The following ATG10 variants were observed in gnomAD, a reference collection of about 807,000 sequenced individuals.
ATG10 encodes ubiquitin-like-conjugating enzyme ATG10.
A neutral mutation model predicts 32.1 loss-of-function variants in ATG10; 30 were observed. The ratio of observed to expected loss-of-function variants is 0.94; its 90% CI spans 0.70 to 1.27. The LOEUF (loss-of-function observed/expected upper bound fraction) is 1.27. Among genes scored for constraint, ATG10 ranks in the 50% most tolerant of loss-of-function variants. The pLI, the probability that ATG10 is intolerant of heterozygous loss-of-function variation, is 0.00. For missense variants in ATG10, 233 were observed against 262.3 expected (o/e 0.89, Z 0.77); for synonymous variants, 87 against 91.5 (o/e 0.95, Z 0.28).
rs537588398 is a variant in ATG10, at chr5:82,009,904, C to T, written c.108+22226C>T. ...CCATTATGGCGTGTGAAGTCACCAC[C>T]CTGACACATAAACCCTGGAATAATT... On this transcript the variant is annotated intron_variant, in intron 2 of 7. Coordinates refer to ENST00000282185, the MANE Select transcript of ATG10 (RefSeq NM_031482.5). The T allele has an allele frequency of 3.7e-6, 6 of 1,610,484 alleles. No individual in the cohort carries two copies. The South Asian group carries it at 5.5e-5, about 15-fold the overall frequency.
intron 3 of ATG10, among the ~76,000 whole-genome samples, chr5:82,114,145 A>G (rs1765703719): frequency 6.6e-6 from 1 of 152,026 alleles, no homozygotes; most frequent in Non-Finnish European, 1.5e-5. Flanking sequence ...GCTTAAATAA[A>G]TTATAAGGAA....
intron 5 of ATG10, among the ~76,000 whole-genome samples, chr5:82,215,890 G>A (rs1261086295): frequency 1.3e-5 from 2 of 149,536 alleles, no homozygotes; most frequent in Non-Finnish European, 3.0e-5. Context: ...AGCTGAGATC[G>A]CCCCACTGCA....
chr5:82,064,868 A>G (rs1763892377), intron 3 of ATG10, among the ~76,000 whole-genome samples: 1 of 152,202 alleles, frequency 6.6e-6, no homozygotes, highest in Non-Finnish European at 1.5e-5. Flanking sequence ...TGATTTGCAT[A>G]TATTAATTCA....
chr5:82,200,374 A>C (rs1745017998), intron 5 of ATG10, among the ~76,000 whole-genome samples: 1 of 150,302 alleles, frequency 6.7e-6, no homozygotes, highest in African/African-American at 2.4e-5. Context: ...TTATTTAATG[A>C]CTAATGATGT....
intron 3 of ATG10, among the ~76,000 whole-genome samples, chr5:82,086,597 C>A (rs1374488002): frequency 8.5e-5 from 13 of 152,114 alleles, no homozygotes; most frequent in Admixed American, 8.5e-4. Flanking sequence ...TCTTCATTCT[C>A]TAGAGCACAT....
intron 2 of ATG10, among the ~76,000 whole-genome samples, chr5:81,994,385 C>T (rs1023470663): frequency 6.6e-6 from 1 of 152,068 alleles, no homozygotes; most frequent in African/African-American, 2.4e-5. Context: ...AAACTTTTAT[C>T]AGCACTAGAA....
At chr5:82,247,484 C>A (rs1371826945) in intron 5 of ATG10, among the ~76,000 whole-genome samples, 1 of 151,988 alleles carries the variant, frequency 6.6e-6, no homozygotes, top group Non-Finnish European at 1.5e-5. Flanking sequence ...CTATTTAGTT[C>A]TTTTTATAGT....
Position 82,254,622 on chromosome 5 carries a change from T to C in ATG10, c.*559T>C, listed in dbSNP as rs1379766588. 6.6e-6 allele frequency: 1 copy of C among 151,750 alleles called. No individual in the cohort carries two copies. Among genetic ancestry groups the C allele is most frequent in the Non-Finnish European group, 1.5e-5 (1 of 67,956 alleles). 9.4% of individuals were successfully genotyped at this position (151,750 alleles called of 1,614,324 possible). A position where few individuals can be genotyped will look rare whatever the true frequency, so the allele number is the denominator to read the frequency against. On this transcript the variant is annotated 3_prime_UTR_variant, in exon 8 of 8. Transcript: ENST00000282185. ...ATAGCAAAAAAACAAATCTAACTTA[T>C]TAATACTAGGAATACCAACATTATT...
chr5:82,127,404 C>T (rs183242330), intron 3 of ATG10, among the ~76,000 whole-genome samples: 7 of 152,102 alleles, frequency 4.6e-5, no homozygotes, highest in African/African-American at 1.2e-4. Context: ...TTTCCTGCTT[C>T]CTCCTGTGGG....
chr5:82,183,334 T>C (rs1357580459), intron 5 of ATG10, among the ~76,000 whole-genome samples: 1 of 152,144 alleles, frequency 6.6e-6, no homozygotes, highest in African/African-American at 2.4e-5. Flanking sequence ...CTCTTTTTTT[T>C]TCCTGGTAAT....
chr5:82,197,729 T>C (rs1244381116), intron 5 of ATG10, among the ~76,000 whole-genome samples: 1 of 103,088 alleles, frequency 9.7e-6, no homozygotes, highest in African/African-American at 4.0e-5. Flanking sequence ...TTTCTATCTA[T>C]CTATCTATCT....
chr5:82,042,679 G>A (rs759730082), intron 2 of ATG10, among the ~76,000 whole-genome samples: 14 of 152,160 alleles, frequency 9.2e-5, no homozygotes, highest in Non-Finnish European at 1.6e-4. Flanking sequence ...CTAAATGGGA[G>A]ACATTGGCCA....
At chr5:82,050,307 A>G (rs564671873) in intron 2 of ATG10, among the ~76,000 whole-genome samples, 222 of 152,206 alleles carry the variant, frequency 1.5e-3, no homozygotes, top group African/African-American at 5.0e-3. Flanking sequence ...TTTAAGTAAT[A>G]TATTTCTCCT....
At chr5:82,214,558 A>G (rs1182195770) in intron 5 of ATG10, among the ~76,000 whole-genome samples, 1 of 152,212 alleles carries the variant, frequency 6.6e-6, no homozygotes, top group Non-Finnish European at 1.5e-5. Flanking sequence ...TTTTATTCAA[A>G]TCTCATTCTT....
chr5:82,118,611 A>G (rs1002979654), intron 3 of ATG10, among the ~76,000 whole-genome samples: 2 of 151,860 alleles, frequency 1.3e-5, no homozygotes, highest in Non-Finnish European at 2.9e-5. Flanking sequence ...AATGGATTAT[A>G]TTTTGGACAT....
At chr5:82,083,357 T>G (rs1764552345) in intron 3 of ATG10, among the ~76,000 whole-genome samples, 1 of 152,200 alleles carries the variant, frequency 6.6e-6, no homozygotes, top group Admixed American at 6.5e-5. Context: ...TGGAGCCCAC[T>G]GCAGCTCAAG....
intron 2 of ATG10, among the ~76,000 whole-genome samples, chr5:82,015,317 T>G (rs1762253648): frequency 6.6e-6 from 1 of 152,244 alleles, no homozygotes; most frequent in African/African-American, 2.4e-5. Flanking sequence ...GGAGTTGCTC[T>G]TCTCGAGGAG....
At chr5:82,085,469 A>G (rs1454532333) in intron 3 of ATG10, among the ~76,000 whole-genome samples, 1 of 128,106 alleles carries the variant, frequency 7.8e-6, no homozygotes, top group Non-Finnish European at 1.6e-5. Flanking sequence ...AATATCCTTG[A>G]TGAACATGGA....
intron 2 of ATG10, among the ~76,000 whole-genome samples, chr5:82,001,096 A>T (rs994975389): frequency 3.7e-4 from 57 of 152,234 alleles, no homozygotes; most frequent in African/African-American, 1.2e-3. Flanking sequence ...GAGCTCTACC[A>T]TGAGAATTAG....
Sources: gnomAD v4.1 joint callset for allele counts (sites outside exome capture counted in the v4.1 genomes callset) on GRCh38, gnomAD v4.1.1 for gene constraint, MANE v1.5 for transcripts, NCBI Gene and HGNC (gene_info 2026-07-23, HGNC 2026-07-21) for gene names.